Variants in BLM observed in about 807,000 individuals in gnomAD.
BLM encodes BLM RecQ like helicase, also known as recQ-like DNA helicase BLM.
In BLM, 95 loss-of-function variants were observed where a neutral mutation model predicts 135.3. That is an observed-to-expected ratio of 0.70 (90% CI 0.59 to 0.83). The LOEUF (loss-of-function observed/expected upper bound fraction) is 0.83. Among genes scored for constraint, BLM ranks in the 40% least tolerant of loss-of-function variants. BLM has a pLI of 0.00. For missense variants in BLM, 1,518 were observed against 1,663.9 expected, an observed-to-expected ratio of 0.91 and a Z score of 1.53; for synonymous variants, 520 against 589.2, an observed-to-expected ratio of 0.88 and a Z score of 1.70.
intron 13 of BLM, among the ~76,000 whole-genome samples, chr15:90,784,381 G>A (rs1006986357): frequency 7.5e-6 from 1 of 132,968 alleles, no homozygotes; most frequent in African/African-American, 3.0e-5. Flanking sequence ...TCTCCAGGCA[G>A]GAGTGCGGTG....
chr15:90,721,728 C>T (rs1045035085), intron 1 of BLM, among the ~76,000 whole-genome samples: 7 of 151,304 alleles, frequency 4.6e-5, no homozygotes, highest in Admixed American at 3.3e-4. Context: ...GTCAGGAGTT[C>T]GAGACCAGTG....
chr15:90,800,509 C>T (rs917734113), intron 17 of BLM, among the ~76,000 whole-genome samples: 13 of 152,006 alleles, frequency 8.6e-5, no homozygotes, highest in Non-Finnish European at 1.5e-4. Context: ...GGAGAAACTC[C>T]GTCTCTACTA....
At position 90,741,839 on chromosome 15, in the gene BLM, A is replaced by G. The variant is rs551694506; in HGVS notation, c.-4-5550A>G. 5.0e-4 allele frequency among the ~76,000 whole-genome samples: 76 copies of G among 152,300 alleles called. 1 individual carries two copies. The South Asian group carries it at 6.2e-3, about 12-fold the overall frequency. ...ATATGGGAGTGAAAATGAGAGAACA[A>G]TATTGTTTTTGCTGTTGTTTTTAAT... On this transcript the variant is annotated intron_variant, in intron 1 of 21. Coordinates refer to ENST00000355112, the MANE Select transcript of BLM (RefSeq NM_000057.4).
Position 90,765,383 on chromosome 15 carries a change from T to C in BLM, c.2162T>C (p.Val721Ala), listed in dbSNP as rs1436706002. Reference sequence around the variant, plus strand: ...ATTTCTCCCTTGAGATCACTTATCGTAGATCAAGTCCAAAAGCTGACTTCC... The same window carrying C: ...ATTTCTCCCTTGAGATCACTTATCGCAGATCAAGTCCAAAAGCTGACTTCC... The part of the protein sequence containing the change: ...VVISPLRSLI[V>A]DQVQKLTSLD... The change falls in exon 9 of 22, where the codon GTA becomes GCA. Residue 721 changes from valine (V) to alanine (A), a missense_variant. Transcript: ENST00000355112. 2.5e-6 allele frequency: 4 copies of C among 1,612,584 alleles called. No homozygotes were observed. The highest frequency in any genetic ancestry group is 2.5e-6 in the Non-Finnish European group (3 of 1,178,666).
intron 14 of BLM, among the ~76,000 whole-genome samples, chr15:90,786,719 A>G (rs1040929537): frequency 4.6e-5 from 7 of 151,474 alleles, no homozygotes; most frequent in Admixed American, 1.3e-4. Context: ...GGTTCAAGCA[A>G]TTCTCCTGCC....
At chr15:90,801,660 C>T (rs1205746530) in intron 17 of BLM, among the ~76,000 whole-genome samples, 1 of 152,150 alleles carries the variant, frequency 6.6e-6, no homozygotes, top group African/African-American at 2.4e-5. Flanking sequence ...TCAGGTCCTT[C>T]TGTGTGTAGG....
chr15:90,766,020 G>A (rs1477269497), intron 9 of BLM, among the ~76,000 whole-genome samples: 4 of 152,142 alleles, frequency 2.6e-5, no homozygotes, highest in Non-Finnish European at 4.4e-5. Context: ...GAGGGAAGAG[G>A]GTCGCTAGAG....
intron 1 of BLM, among the ~76,000 whole-genome samples, chr15:90,729,718 T>C (rs1434981062): frequency 6.6e-6 from 1 of 152,268 alleles, no homozygotes. Context: ...ACCTTTGTCA[T>C]GTAACCAAGC....
At chr15:90,789,299 A>G (rs900436553) in intron 14 of BLM, among the ~76,000 whole-genome samples, 2 of 152,212 alleles carry the variant, frequency 1.3e-5, no homozygotes, top group African/African-American at 4.8e-5. Context: ...CAATTAAACA[A>G]AGCCACTTTT....
intron 12 of BLM, among the ~76,000 whole-genome samples, chr15:90,781,296 C>G (rs929645538): frequency 3.3e-5 from 5 of 152,114 alleles, no homozygotes; most frequent in African/African-American, 1.2e-4. Flanking sequence ...CTGGGCCATA[C>G]TAGAAGAAGA....
At position 90,787,036 on chromosome 15, in the gene BLM, C is replaced by CTTT. The variant is rs11366266; in HGVS notation, c.2823+1983_2823+1985dup. On this transcript the variant is annotated intron_variant, in intron 14 of 21. Transcript: ENST00000355112. The stretch of plus-strand genomic sequence containing the variant: ...AAAGCTGAAAATACTTTAGGCATCT[C>CTTT]TTTTTTTTTTTTTTTTTTTTTTTTT... Among the ~76,000 whole-genome samples, 53 of 58,000 alleles carry CTTT rather than the reference C, an allele frequency of 9.1e-4. 3 individuals are homozygous for CTTT. Among genetic ancestry groups the CTTT allele is most frequent in the African/African-American group, 1.8e-3 (21 of 11,842 alleles). The allele number at this position is 58,000 out of a possible 152,430, so 38.1% of individuals were successfully genotyped here. A position where few individuals can be genotyped will look rare whatever the true frequency, so the allele number is the denominator to read the frequency against.
chr15:90,723,089 GC>G (rs1294977335), intron 1 of BLM, among the ~76,000 whole-genome samples: 1 of 151,992 alleles, frequency 6.6e-6, no homozygotes, highest in Non-Finnish European at 1.5e-5. Flanking sequence ...TAATCTGCCT[GC>G]CTCGGCCTCC....
chr15:90,797,411 T>C (rs1897053567), intron 16 of BLM, among the ~76,000 whole-genome samples: 1 of 63,398 alleles, frequency 1.6e-5, no homozygotes, highest in East Asian at 3.8e-4. Context: ...CGAAACTCCA[T>C]CTCAAAAAAA....
In BLM at chr15:90,790,524, T is replaced by G. The variant is rs1472751448; in HGVS notation, c.2824-125T>G. ...AAATAGTTGGACCAAGTTAAGATAT[T>G]AGGTTGTTATGTAGTGTGCATTTTA... On this transcript the variant is annotated intron_variant, in intron 14 of 21. Transcript: ENST00000355112. The G allele has an allele frequency of 1.6e-5, 14 of 877,974 alleles. No individual in the cohort carries two copies. The South Asian group carries it at 1.9e-4, about 12-fold the overall frequency. The allele number at this position is 877,974 out of a possible 1,614,324, so 54.4% of individuals were successfully genotyped here.
intron 21 of BLM, among the ~76,000 whole-genome samples, chr15:90,812,247 C>T (rs1258601851): frequency 1.3e-5 from 2 of 152,164 alleles, no homozygotes; most frequent in Non-Finnish European, 2.9e-5. Flanking sequence ...ACCTCCCAGC[C>T]TTTGCAGGGG....
chr15:90,769,493 T>G lies in BLM; in HGVS notation c.2462T>G (p.Phe821Cys), dbSNP rs756574799. 1.2e-6 allele frequency: 2 copies of G among 1,614,090 alleles called. No individual in the cohort carries two copies. The highest frequency in any genetic ancestry group is 1.7e-6 in the Non-Finnish European group (2 of 1,179,932). Residue 821 changes from phenylalanine (F) to cysteine (C), a missense_variant, in exon 12 of 22, where the codon TTT (phenylalanine) becomes TGT (cysteine). This residue lies in a region of BLM where 626 missense variants were observed against 681.1 expected (regional missense o/e 0.92). Transcript: ENST00000355112. ...AGAATGAATATGCTTCGCCAGAAGTTTCCTTCTGTTCCGGTGATGGCTCTT... is the reference window on the plus strand; with the variant it reads ...AGAATGAATATGCTTCGCCAGAAGTGTCCTTCTGTTCCGGTGATGGCTCTT... ...YKRMNMLRQKFPSVPVMALTA... is the reference protein window; with the variant it reads ...YKRMNMLRQKCPSVPVMALTA...
chr15:90,725,819 CT>C (rs1310090376), intron 1 of BLM, among the ~76,000 whole-genome samples: 1 of 151,728 alleles, frequency 6.6e-6, no homozygotes. Context: ...CCTACAGTCC[CT>C]TTTTTTCTGT....
chr15:90,732,508 A>G (rs1452682110), intron 1 of BLM, among the ~76,000 whole-genome samples: 2 of 151,938 alleles, frequency 1.3e-5, no homozygotes, highest in Non-Finnish European at 2.9e-5. Flanking sequence ...ATTGAAAACA[A>G]CTATTGGATG....
At chr15:90,725,043 G>A (rs1894873259) in intron 1 of BLM, among the ~76,000 whole-genome samples, 1 of 152,078 alleles carries the variant, frequency 6.6e-6, no homozygotes, top group Non-Finnish European at 1.5e-5. Flanking sequence ...TGAATAGCTG[G>A]GGTTATAGGT....
Sources: gnomAD v4.1 joint callset for allele counts (sites outside exome capture counted in the v4.1 genomes callset) on GRCh38, gnomAD v4.1.1 for gene constraint, gnomAD v4.1.1 regional missense constraint, MANE v1.5 for transcripts, NCBI Gene and HGNC (gene_info 2026-07-23, HGNC 2026-07-21) for gene names.